Variants in DAB1 observed in about 807,000 individuals in gnomAD.
DAB1 encodes disabled homolog 1.
Under a neutral mutation model 64.6 loss-of-function variants are expected in DAB1, and 15 were observed. The observed-to-expected ratio is 0.23, with a 90% confidence interval of 0.16 to 0.36. The LOEUF (loss-of-function observed/expected upper bound fraction) is 0.36. DAB1 is among the 10% of genes least tolerant of loss of function. The pLI is 1.00. For missense variants in DAB1, 596 were observed against 706.7 expected (o/e 0.84, Z 1.78); for synonymous variants, 235 against 251.9 (o/e 0.93, Z 0.64).
chr1:57,334,615 C>T (rs919890817), intron 1 of DAB1, among the ~76,000 whole-genome samples: 5 of 152,162 alleles, frequency 3.3e-5, no homozygotes, highest in Admixed American at 6.5e-5. Flanking sequence ...GAGGAAGGCG[C>T]TATTAATAAG....
intron 2 of DAB1, among the ~76,000 whole-genome samples, chr1:57,188,214 G>C (rs1343062758): frequency 6.6e-6 from 1 of 152,136 alleles, no homozygotes; most frequent in Non-Finnish European, 1.5e-5. Context: ...TGCCTGATTA[G>C]AGTGCTGAGG....
At chr1:58,546,385 C>G (rs947720010) in intron 1 of DAB1, among the ~76,000 whole-genome samples, 22 of 152,286 alleles carry the variant, frequency 1.4e-4, no homozygotes, top group Admixed American at 1.2e-3. Flanking sequence ...GGGCAGGCGG[C>G]CCACGAAAGT....
At chr1:58,347,395 T>G (rs1485810939) in intron 3 of DAB1, among the ~76,000 whole-genome samples, 1 of 152,206 alleles carries the variant, frequency 6.6e-6, no homozygotes, top group Admixed American at 6.5e-5. Flanking sequence ...CATGCGTGAC[T>G]GCACCCAACC....
At chr1:57,606,734 A>ATATATATTATATAAATATATTC (rs1645657078) in intron 7 of DAB1, among the ~76,000 whole-genome samples, 1 of 135,192 alleles carries the variant, frequency 7.4e-6, no homozygotes, top group African/African-American at 2.8e-5. Flanking sequence ...TTTATATGAA[A>ATATATATTATATAAATATATTC]TATATATTAT....
chr1:57,018,677 A>C (rs987614074), intron 11 of DAB1, among the ~76,000 whole-genome samples: 4 of 152,178 alleles, frequency 2.6e-5, no homozygotes, highest in Non-Finnish European at 5.9e-5. Context: ...TCTTGACATC[A>C]GCCTGTTTTT....
chr1:57,070,835 C>A, intron 7 of DAB1, 188 bp downstream of exon 7: 1 of 632,094 alleles, frequency 1.6e-6, no homozygotes, highest in East Asian at 2.7e-5. Flanking sequence ...ATACCGATGC[C>A]GGCCAAACTT....
intron 2 of DAB1, among the ~76,000 whole-genome samples, chr1:57,165,560 T>A (rs780186848): frequency 7.9e-5 from 12 of 152,356 alleles, no homozygotes; most frequent in East Asian, 1.9e-4. Context: ...TTATTAAACA[T>A]CTATTGTGTT....
intron 7 of DAB1, among the ~76,000 whole-genome samples, chr1:57,585,078 G>A (rs902834488): frequency 1.6e-4 from 24 of 151,752 alleles, no homozygotes; most frequent in African/African-American, 5.6e-4. Context: ...TTGAAACCTC[G>A]TCTCTACTAA....
At chr1:58,215,343 T>C (rs1438349325) in intron 4 of DAB1, among the ~76,000 whole-genome samples, 1 of 151,874 alleles carries the variant, frequency 6.6e-6, no homozygotes, top group African/African-American at 2.4e-5. Flanking sequence ...CCTGAGGGTA[T>C]GGCTATGGAA....
At chr1:58,068,538 G>T (rs887473801) in intron 5 of DAB1, among the ~76,000 whole-genome samples, 12 of 152,020 alleles carry the variant, frequency 7.9e-5, no homozygotes, top group African/African-American at 2.9e-4. Flanking sequence ...GGCAGAGGCG[G>T]GCGGATCACG....
chr1:57,557,194 T>C (rs1369061654), intron 7 of DAB1, among the ~76,000 whole-genome samples: 1 of 152,120 alleles, frequency 6.6e-6, no homozygotes, highest in South Asian at 2.1e-4. Context: ...ACTGCCAGCA[T>C]GGCTAGAATA....
intron 1 of DAB1, chr1:58,539,290 C>T (rs1646566198): frequency 3.6e-6 from 3 of 826,108 alleles, no homozygotes; most frequent in Non-Finnish European, 6.2e-6. Context: ...ACAGATGAAG[C>T]TCATTTTTTC....
chr1:58,357,026 C>CA (rs3990929), intron 3 of DAB1, among the ~76,000 whole-genome samples: 925 of 85,760 alleles, frequency 0.011, 13 homozygotes, highest in African/African-American at 0.034. Flanking sequence ...ACCCTGTCTC[C>CA]AAAAAAAAAA....
intron 5 of DAB1, among the ~76,000 whole-genome samples, chr1:58,095,793 A>G (rs576090599): frequency 6.6e-6 from 1 of 152,338 alleles, no homozygotes; most frequent in South Asian, 2.1e-4. Flanking sequence ...TATCATATCT[A>G]AAAATGCCTA....
At chr1:58,538,776 T>C (rs748284430) in intron 1 of DAB1, 1 of 734,924 alleles carries the variant, frequency 1.4e-6, no homozygotes, top group South Asian at 2.0e-5. Flanking sequence ...AAAGTTTTTA[T>C]TCTAAAAAAG....
chr1:58,043,697 T>C (rs1166595481), intron 5 of DAB1, among the ~76,000 whole-genome samples: 1 of 152,210 alleles, frequency 6.6e-6, no homozygotes, highest in East Asian at 1.9e-4. Context: ...AAATGAATAC[T>C]TGACAGAGTC....
chr1:57,495,331 T>A (rs1644217560), intron 7 of DAB1, among the ~76,000 whole-genome samples: 3 of 152,230 alleles, frequency 2.0e-5, no homozygotes, highest in Admixed American at 2.0e-4. Flanking sequence ...AATTTTTGTT[T>A]CCTACTTAGT....
At chr1:58,488,959 T>A (rs1347467172) in intron 3 of DAB1, among the ~76,000 whole-genome samples, 12 of 152,228 alleles carry the variant, frequency 7.9e-5, no homozygotes, top group Admixed American at 7.9e-4. Flanking sequence ...AATATATTCC[T>A]GCTGGAGCCA....
intron 8 of DAB1, among the ~76,000 whole-genome samples, chr1:57,066,015 T>C (rs1352111129): frequency 1.3e-5 from 2 of 152,234 alleles, no homozygotes; most frequent in Non-Finnish European, 2.9e-5. Context: ...GTACTATACA[T>C]ACAGAAGACA....
Sources: allele counts gnomAD v4.1 joint callset (sites outside exome capture counted in the v4.1 genomes callset), GRCh38; gene constraint gnomAD v4.1.1; transcripts MANE v1.5; gene names NCBI Gene and HGNC (gene_info 2026-07-23, HGNC 2026-07-21).